C10orf53: variants seen among roughly 807,000 people sequenced by gnomAD.
C10orf53 encodes the protein UPF0728 protein C10orf53.
In C10orf53, 8 loss-of-function variants were observed where a neutral mutation model predicts 9.4. The observed-to-expected ratio is 0.85, with a 90% CI of 0.50 to 1.53. The LOEUF (loss-of-function observed/expected upper bound fraction) is 1.53, where lower values mean the gene tolerates loss of function less well. C10orf53 is among the 40% of genes most tolerant of loss of function. C10orf53 has a pLI of 0.00. For synonymous variants in C10orf53, 48 were observed against 46.0 expected (o/e 1.04, Z -0.18); for missense variants, 117 against 117.8 (o/e 0.99, Z 0.03).
Position 49,694,855 on chromosome 10 carries a change from A to C in C10orf53, c.*253A>C. ...CAACCCATAGGGAGAGCCCTCCAAT[A>C]TCAGGTACACATTGAGCTGAAGGAA... On this transcript the variant is annotated 3_prime_UTR_variant, in exon 3 of 3. Transcript: ENST00000374111. 7.6e-7 allele frequency: 1 copy of C among 1,316,096 alleles called. No individual in the cohort carries two copies. The allele number at this position is 1,316,096 out of a possible 1,614,324, so 81.5% of individuals were successfully genotyped here.
intron 1 of C10orf53, among the ~76,000 whole-genome samples, chr10:49,685,851 G>C (rs1207766714): frequency 6.6e-6 from 1 of 152,138 alleles, no homozygotes; most frequent in East Asian, 1.9e-4. Flanking sequence ...GAGCTTCTTG[G>C]ATAGGTATTT....
At chr10:49,704,966 T>G (rs1164815959) in intron 2 of C10orf53, among the ~76,000 whole-genome samples, 1 of 152,206 alleles carries the variant, frequency 6.6e-6, no homozygotes, top group Admixed American at 6.5e-5. Flanking sequence ...TTCAAAAAAT[T>G]TATGTGCATA....
At chr10:49,699,982 C>T (rs371999534), downstream of C10orf53, among the ~76,000 whole-genome samples, 21 of 152,008 alleles carry the variant, frequency 1.4e-4, no homozygotes, top group Non-Finnish European at 1.5e-4. Flanking sequence ...TCTTTGTGAG[C>T]GTGCATGTCC....
At chr10:49,685,967 T>C (rs768606106) in intron 1 of C10orf53, among the ~76,000 whole-genome samples, 8 of 152,192 alleles carry the variant, frequency 5.3e-5, no homozygotes, top group Non-Finnish European at 1.0e-4. Context: ...ACTAGGTATA[T>C]GTTGTTATAC....
At chr10:49,693,916 C>T (rs917726607) in intron 2 of C10orf53, 23 bp downstream of exon 2, 2 of 1,614,230 alleles carry the variant, frequency 1.2e-6, no homozygotes, top group African/African-American at 2.7e-5. Context: ...GCGATGCTTC[C>T]AGCCAGCAAT....
intron 2 of C10orf53, among the ~76,000 whole-genome samples, chr10:49,703,809 C>T (rs1401387552): frequency 3.3e-5 from 5 of 152,120 alleles, no homozygotes; most frequent in African/African-American, 4.8e-5. Flanking sequence ...AATAAAAATG[C>T]CAGAAAGACT....
At chr10:49,693,990 A>T in intron 2 of C10orf53, 97 bp downstream of exon 2, 1 of 1,552,866 alleles carries the variant, frequency 6.4e-7, no homozygotes, top group Non-Finnish European at 8.8e-7. Flanking sequence ...GCCTGGATTC[A>T]AATTGGGTTT....
At chr10:49,708,077 A>G (rs1590651078) in intron 2 of C10orf53, among the ~76,000 whole-genome samples, 1 of 152,160 alleles carries the variant, frequency 6.6e-6, no homozygotes, top group Middle Eastern at 3.4e-3. Flanking sequence ...TGCACACTCT[A>G]TTGTCATATC....
intron 1 of C10orf53, among the ~76,000 whole-genome samples, chr10:49,682,691 G>A (rs1489033719): frequency 1.3e-5 from 2 of 152,088 alleles, no homozygotes; most frequent in African/African-American, 4.8e-5. Context: ...TTTACAGAGT[G>A]CTGATTGGTG....
intron 2 of C10orf53, among the ~76,000 whole-genome samples, chr10:49,708,009 TTTCTG>T (rs1840734698): frequency 6.6e-6 from 1 of 152,178 alleles, no homozygotes; most frequent in Non-Finnish European, 1.5e-5. Context: ...TCTAAATGTA[TTTCTG>T]TACACCACCC....
rs558229181 is a variant in C10orf53 at position 49,689,630 on chromosome 10, G to T, written c.98-4144G>T. ...TGGAAACAATCAGAAAAAGGAATGG[G>T]TAAATAAATTGTAGTGCGTACATCA... is the stretch of plus-strand genomic sequence containing the variant. On this transcript the variant is annotated intron_variant, in intron 1 of 2. Transcript: ENST00000374111. Among the ~76,000 whole-genome samples the T allele has an allele frequency of 1.7e-4, 26 of 152,246 alleles. No individual in the cohort carries two copies. In the East Asian group the frequency reaches 5.0e-3, roughly 29 times the overall value.
In C10orf53 at chr10:49,679,697, G is replaced by C. The variant is rs1590636363; in HGVS notation, c.-1G>C. ...GCCTCTGCGGCGGCGGAGGCCTGGC[G>C]ATGCCCAAGAACGCAGTGGTCATCC... On this transcript the variant is annotated 5_prime_UTR_variant, in exon 1 of 3. Coordinates refer to ENST00000374111, the MANE Select transcript of C10orf53 (RefSeq NM_001042427.3). 2 of 1,546,032 alleles carry C rather than the reference G, an allele frequency of 1.3e-6. No individual in the cohort carries two copies. Among genetic ancestry groups the C allele is most frequent in the Non-Finnish European group, 1.7e-6 (2 of 1,145,046 alleles).
In C10orf53 at chr10:49,696,237, A is replaced by G. The variant is rs1199577966; in HGVS notation, c.*1635A>G. On this transcript the variant is annotated 3_prime_UTR_variant, in exon 3 of 3. Coordinates refer to ENST00000374111, the MANE Select transcript of C10orf53 (RefSeq NM_001042427.3). ...TCTTTTTTTAAACGTAACATTTTAC[A>G]TAGAGCCTCTTCCCGCATGATTTGT... is the stretch of plus-strand genomic sequence containing the variant. 6.6e-6 allele frequency among the ~76,000 whole-genome samples: 1 copy of G among 152,214 alleles called. No homozygotes were observed. Among genetic ancestry groups the G allele is most frequent in the African/African-American group, 2.4e-5 (1 of 41,450 alleles).
At chr10:49,688,275 C>G (rs1216858609) in intron 1 of C10orf53, among the ~76,000 whole-genome samples, 2 of 152,122 alleles carry the variant, frequency 1.3e-5, no homozygotes, top group African/African-American at 4.8e-5. Context: ...TCTCACTCCT[C>G]TTTCCCTTAC....
At chr10:49,693,705 G>C in intron 1 of C10orf53, 69 bp from the exon 2 acceptor site, 1 of 1,522,294 alleles carries the variant, frequency 6.6e-7, no homozygotes, top group Non-Finnish European at 9.0e-7. Flanking sequence ...TCATCATGAG[G>C]ACTGCTACCA....
At chr10:49,708,865 T>G in exon 3 of C10orf53, 1 of 553,170 alleles carries the variant, frequency 1.8e-6, no homozygotes, top group Non-Finnish European at 3.1e-6. Flanking sequence ...TTACTCAATT[T>G]GGGAACTTGG....
In C10orf53 at chr10:49,696,972, T is replaced by C. The variant is rs1179010113; in HGVS notation, c.*2370T>C. The stretch of plus-strand genomic sequence containing the variant: ...TTTGGGAATCCAAGGTGGGTGGATT[T>C]GTTTGAACACAGGAGTTCGAGAGCA... On this transcript the variant is annotated 3_prime_UTR_variant, in exon 3 of 3. Transcript: ENST00000374111. Among the ~76,000 whole-genome samples, 3 of 152,120 alleles carry C rather than the reference T, an allele frequency of 2.0e-5. No homozygotes were observed. The highest frequency in any genetic ancestry group is 4.4e-5 in the Non-Finnish European group (3 of 68,018).
chr10:49,692,013 A>G lies in C10orf53; in HGVS notation c.98-1761A>G, dbSNP rs142071485. Among the ~76,000 whole-genome samples, 140 of 152,300 alleles carry G rather than the reference A, an allele frequency of 9.2e-4. 1 individual carries two copies. Among genetic ancestry groups the G allele is most frequent in the African/African-American group, 3.3e-3 (136 of 41,564 alleles). On this transcript the variant is annotated intron_variant, in intron 1 of 2. Coordinates refer to ENST00000374111, the MANE Select transcript of C10orf53 (RefSeq NM_001042427.3). ...CATCCTCCAGGAGTGTCTTCAGACA[A>G]ATGCAGCTCCGCCGTCCTGAGGGGT...
chr10:49,709,469 T>TCTC (rs971149436), exon 3 of C10orf53: 1 of 152,212 alleles, frequency 6.6e-6, no homozygotes, highest in African/African-American at 2.4e-5. Context: ...CTTCAGAGCC[T>TCTC]CTCCTTGTGT....
Sources: allele counts gnomAD v4.1 joint callset (sites outside exome capture counted in the v4.1 genomes callset), GRCh38; gene constraint gnomAD v4.1.1; transcripts MANE v1.5; gene names NCBI Gene and HGNC (gene_info 2026-07-23, HGNC 2026-07-21).